Variants in DLG2 observed in about 807,000 individuals in gnomAD.
DLG2 encodes discs large MAGUK scaffold protein 2, also known as disks large homolog 2.
In DLG2, 45 loss-of-function variants were observed where a neutral mutation model predicts 132.5. That is an observed-to-expected ratio of 0.34 (90% CI 0.27 to 0.44). The LOEUF is 0.44. DLG2 is among the 20% of genes least tolerant of loss of function. The pLI is 1.00. For missense variants in DLG2, 1,045 were observed against 1,196.9 expected (o/e 0.87, Z 1.87); for synonymous variants, 424 against 419.6 (o/e 1.01, Z -0.13).
chr11:83,512,595 A>C (rs1418853473), intron 21 of DLG2, among the ~76,000 whole-genome samples: 11 of 151,992 alleles, frequency 7.2e-5, no homozygotes, highest in African/African-American at 2.4e-4. Context: ...GGTTTGTTAC[A>C]TATGTATACA....
At chr11:84,567,464 G>T (rs745383808) in intron 6 of DLG2, among the ~76,000 whole-genome samples, 9 of 152,158 alleles carry the variant, frequency 5.9e-5, no homozygotes, top group Non-Finnish European at 1.0e-4. Context: ...TCCCTTGATG[G>T]ATCCTCAATC....
chr11:85,266,365 T>C (rs897337568), intron 4 of DLG2, among the ~76,000 whole-genome samples: 10 of 152,136 alleles, frequency 6.6e-5, no homozygotes, highest in Admixed American at 2.0e-4. Context: ...GTGTGCTCCC[T>C]ACCAAACACC....
intron 6 of DLG2, among the ~76,000 whole-genome samples, chr11:84,755,287 A>G (rs1000021783): frequency 6.6e-6 from 1 of 152,242 alleles, no homozygotes; most frequent in Non-Finnish European, 1.5e-5. Flanking sequence ...AATAAAAGGT[A>G]CCAATAAATT....
At chr11:84,710,997 CATATATATATAGAT>C (rs1363314085) in intron 6 of DLG2, among the ~76,000 whole-genome samples, 1 of 96,156 alleles carries the variant, frequency 1.0e-5, no homozygotes, top group East Asian at 2.3e-4. Context: ...CAAGTACATT[CATATATATATAGAT>C]ATATATATAT....
At chr11:85,161,105 G>A (rs1485838273) in intron 4 of DLG2, among the ~76,000 whole-genome samples, 1 of 152,188 alleles carries the variant, frequency 6.6e-6, no homozygotes, top group African/African-American at 2.4e-5. Flanking sequence ...GTATGTGGAT[G>A]GATATCTGAG....
chr11:84,726,739 A>G (rs1478966296), intron 6 of DLG2, among the ~76,000 whole-genome samples: 2 of 152,150 alleles, frequency 1.3e-5, no homozygotes, highest in Non-Finnish European at 2.9e-5. Context: ...AACAGTGTAA[A>G]AGTCTCCCTA....
chr11:85,019,883 T>A (rs531198770), intron 6 of DLG2, among the ~76,000 whole-genome samples: 2 of 152,314 alleles, frequency 1.3e-5, no homozygotes, highest in African/African-American at 4.8e-5. Context: ...GACATTTGGG[T>A]TGGTTCCAGT....
intron 7 of DLG2, among the ~76,000 whole-genome samples, chr11:84,472,790 G>C (rs550696688): frequency 1.3e-5 from 2 of 151,928 alleles, no homozygotes; most frequent in South Asian, 4.2e-4. Context: ...ATATATTTCT[G>C]ATAAATATTT....
intron 18 of DLG2, among the ~76,000 whole-genome samples, chr11:83,773,378 T>C (rs987549740): frequency 1.3e-5 from 2 of 152,238 alleles, no homozygotes; most frequent in Non-Finnish European, 2.9e-5. Flanking sequence ...ATACTTGTGC[T>C]AGCTAATATT....
At chr11:83,600,826 A>G (rs2058415930) in intron 19 of DLG2, among the ~76,000 whole-genome samples, 1 of 152,224 alleles carries the variant, frequency 6.6e-6, no homozygotes, top group Non-Finnish European at 1.5e-5. Flanking sequence ...CTGCAAACAG[A>G]CTTTGCCTCA....
rs1432539328 is a variant in DLG2, at chr11:84,183,910, CT to C, written c.574-20400del. On this transcript the variant is annotated intron_variant, in intron 8 of 27. Transcript: ENST00000376104. ...TCCCTACACAGGACATGAACTCATC[CT>C]TTTTTATGGCTGCATAGTATTCCAT... 9.9e-5 allele frequency among the ~76,000 whole-genome samples: 15 copies of C among 152,206 alleles called. No individual in the cohort carries two copies. In the East Asian group the frequency reaches 1.4e-3, roughly 14 times the overall value.
chr11:84,808,928 A>C (rs909642194), intron 6 of DLG2, among the ~76,000 whole-genome samples: 2 of 152,006 alleles, frequency 1.3e-5, no homozygotes, highest in African/African-American at 4.8e-5. Flanking sequence ...AGAAAACAGA[A>C]GAGGAGAGAA....
intron 7 of DLG2, among the ~76,000 whole-genome samples, chr11:84,375,857 G>T (rs79418536): frequency 0.012 from 1,809 of 151,898 alleles, 22 homozygotes; most frequent in Non-Finnish European, 0.02. Flanking sequence ...TGCCTTCTTT[G>T]GTTGTTGAAC....
intron 6 of DLG2, among the ~76,000 whole-genome samples, chr11:84,846,615 G>T (rs949123236): frequency 2.6e-5 from 4 of 152,108 alleles, no homozygotes; most frequent in Non-Finnish European, 4.4e-5. Context: ...AAGTTATAAC[G>T]TGTGGTAGCT....
chr11:85,128,383 C>G (rs886327349), intron 5 of DLG2, among the ~76,000 whole-genome samples: 3 of 152,068 alleles, frequency 2.0e-5, no homozygotes, highest in Admixed American at 6.6e-5. Flanking sequence ...GGAAATACCT[C>G]AGAGATGCAA....
At chr11:83,805,049 G>T (rs2045548816) in intron 17 of DLG2, among the ~76,000 whole-genome samples, 1 of 152,094 alleles carries the variant, frequency 6.6e-6, no homozygotes. Context: ...GCAAAATCCA[G>T]TGTGTAATGA....
chr11:84,921,375 A>G (rs1264935003), intron 6 of DLG2, among the ~76,000 whole-genome samples: 1 of 152,172 alleles, frequency 6.6e-6, no homozygotes, highest in Admixed American at 6.5e-5. Context: ...CTATCAATCA[A>G]TACATAAGAA....
chr11:84,779,034 C>A (rs990039605), intron 6 of DLG2, among the ~76,000 whole-genome samples: 1 of 152,190 alleles, frequency 6.6e-6, no homozygotes, highest in African/African-American at 2.4e-5. Context: ...TGAAAGCCTG[C>A]ACTGTCGGCT....
Position 83,471,598 on chromosome 11 carries a change from T to G in DLG2, c.2446+28A>C, listed in dbSNP as rs377406856. The G allele has an allele frequency of 1.8e-5, 28 of 1,540,284 alleles. No homozygotes were observed. In the African/African-American group the frequency reaches 2.7e-4, roughly 15 times the overall value. ...AAGAAATCCAAGCTCTTTTTGTTTTTCCTAGAGGAAAGAAAAATGACACTT... is the reference window on the plus strand; with the variant it reads ...AAGAAATCCAAGCTCTTTTTGTTTTGCCTAGAGGAAAGAAAAATGACACTT... On this transcript the variant is annotated intron_variant, in intron 24 of 27. Transcript: ENST00000376104.
Sources: gnomAD v4.1 joint callset for allele counts (sites outside exome capture counted in the v4.1 genomes callset) on GRCh38, gnomAD v4.1.1 for gene constraint, MANE v1.5 for transcripts, NCBI Gene and HGNC (gene_info 2026-07-23, HGNC 2026-07-21) for gene names.